DUSP10: variants seen among roughly 807,000 people sequenced by gnomAD.
DUSP10 encodes dual specificity protein phosphatase 10.
In DUSP10, 14 loss-of-function variants were observed where a neutral mutation model predicts 30.8. The observed-to-expected ratio is 0.46, with a 90% CI of 0.30 to 0.71. The LOEUF (loss-of-function observed/expected upper bound fraction) is 0.71. DUSP10 is among the 30% of genes least tolerant of loss of function. The probability of loss-of-function intolerance (pLI) is 0.08; values close to 1 mark genes in which losing one functional copy is unlikely to be tolerated. For missense variants in DUSP10, 550 were observed against 619.4 expected (o/e 0.89, Z 1.19); for synonymous variants, 254 against 250.4 (o/e 1.01, Z -0.14).
In DUSP10 at chr1:221,706,597, G is replaced by T; in HGVS notation, c.812-131C>A. The T allele has an allele frequency of 1.7e-6, 1 of 593,918 alleles. No homozygotes were observed. Among genetic ancestry groups the T allele is most frequent in the Non-Finnish European group, 2.6e-6 (1 of 390,822 alleles). The allele number at this position is 593,918 out of a possible 1,614,324, so 36.8% of individuals were successfully genotyped here. On this transcript the variant is annotated intron_variant, in intron 2 of 3. Transcript: ENST00000366899. This position sits in a 1 kb window ranked among gnomAD's most constrained non-coding sequence, Gnocchi z 4.6. ...AATACATATATAAATATGTATTTAA[G>T]CAAAAAAAATAAAAATAAAAATAAA...
chr1:221,738,998 G>T lies in DUSP10; in HGVS notation c.747C>A (p.Ser249=). The part of the protein sequence containing the change: ...NTNEPSRVMP[S]QPLHIVLESL... ...ACTCGAGGACTATGTGAAGTGGCTG[G>T]GAGGGCATCACTCGGCTTGGTTCAT... Residue 249 remains serine (S), a synonymous_variant, in exon 2 of 4, where the codon TCC becomes TCA. Coordinates refer to ENST00000366899, the MANE Select transcript of DUSP10 (RefSeq NM_007207.6). 6.2e-7 allele frequency: 1 copy of T among 1,614,126 alleles called. No homozygotes were observed. Among genetic ancestry groups the T allele is most frequent in the African/African-American group, 1.3e-5 (1 of 75,022 alleles).
In DUSP10 at chr1:221,739,022, A is replaced by G. The variant is rs1661863737; in HGVS notation, c.723T>C (p.Asn241=). The part of the protein sequence containing the change: ...KEIIVYDENT[N]EPSRVMPSQP... ...GGGAGGGCATCACTCGGCTTGGTTCATTGGTATTCTCATCATAAACTATAA... is the reference window on the plus strand; with the variant it reads ...GGGAGGGCATCACTCGGCTTGGTTCGTTGGTATTCTCATCATAAACTATAA... The change falls in exon 2 of 4, where the codon AAT becomes AAC. Residue 241 remains asparagine, a synonymous_variant. Transcript: ENST00000366899. 6.2e-7 allele frequency: 1 copy of G among 1,614,154 alleles called. No individual in the cohort carries two copies. The highest frequency in any genetic ancestry group is 8.5e-7 in the Non-Finnish European group (1 of 1,180,014).
intron 3 of DUSP10, among the ~76,000 whole-genome samples, chr1:221,703,637 G>C (rs781231197): frequency 2.0e-5 from 3 of 152,204 alleles, no homozygotes; most frequent in Non-Finnish European, 2.9e-5. Context: ...CAGAGCAATT[G>C]AAAGAGGAAG....
chr1:221,704,849 G>C (rs774623160), intron 3 of DUSP10, among the ~76,000 whole-genome samples: 31 of 152,084 alleles, frequency 2.0e-4, no homozygotes, highest in Non-Finnish European at 4.0e-4. Context: ...AAAACAGCTT[G>C]GCAAAATGAC....
intron 2 of DUSP10, among the ~76,000 whole-genome samples, chr1:221,720,251 G>A (rs1360223659): frequency 1.3e-5 from 2 of 152,178 alleles, no homozygotes; most frequent in Admixed American, 6.5e-5. Flanking sequence ...CTGGTCACCA[G>A]AATTAAAACA....
chr1:221,705,114 T>G (rs1416078778), intron 3 of DUSP10, among the ~76,000 whole-genome samples: 8 of 151,418 alleles, frequency 5.3e-5, no homozygotes, highest in South Asian at 2.1e-4. Flanking sequence ...TTTGAGTGTT[T>G]TTTTTTTTTT....
chr1:221,716,380 A>G (rs1188573883), intron 2 of DUSP10, among the ~76,000 whole-genome samples: 1 of 152,138 alleles, frequency 6.6e-6, no homozygotes, highest in Non-Finnish European at 1.5e-5. Flanking sequence ...GTTGACTTCA[A>G]GTCAGTCCCT....
chr1:221,727,953 TG>T (rs1661471647), intron 2 of DUSP10, among the ~76,000 whole-genome samples: 1 of 152,158 alleles, frequency 6.6e-6, no homozygotes, highest in Non-Finnish European at 1.5e-5. Flanking sequence ...TATTAAAAGA[TG>T]GGGCCTTTAA....
rs1485650065 is a variant in DUSP10, at chr1:221,702,335, GA to G, written c.*76del. ...TCCCAACTACAAAAAAAAAAAGAAA[GA>G]AAAAAAACCAGAATCCATCCTCCTT... On this transcript the variant is annotated 3_prime_UTR_variant, in exon 4 of 4. Coordinates refer to ENST00000366899, the MANE Select transcript of DUSP10 (RefSeq NM_007207.6). The surrounding 1 kb of genome is among the most constrained non-coding windows in gnomAD (Gnocchi z 4.5). The G allele has an allele frequency of 8.0e-6, 12 of 1,492,320 alleles. No homozygotes were observed. The highest frequency in any genetic ancestry group is 2.3e-5 in the East Asian group (1 of 43,664). 92.4% of individuals were successfully genotyped at this position (1,492,320 alleles called of 1,614,324 possible).
chr1:221,728,706 T>C (rs1661493674), intron 2 of DUSP10, among the ~76,000 whole-genome samples: 1 of 152,236 alleles, frequency 6.6e-6, no homozygotes, highest in Non-Finnish European at 1.5e-5. Context: ...GGACAGATAA[T>C]GAATATAAAG....
At chr1:221,727,552 C>T (rs1648052523) in intron 2 of DUSP10, among the ~76,000 whole-genome samples, 2 of 152,124 alleles carry the variant, frequency 1.3e-5, no homozygotes, top group African/African-American at 2.4e-5. Flanking sequence ...AATGTCTTTC[C>T]TTTCTAATTC....
intron 2 of DUSP10, among the ~76,000 whole-genome samples, chr1:221,726,264 G>A (rs187765548): frequency 2.0e-3 from 303 of 152,324 alleles, no homozygotes; most frequent in Non-Finnish European, 3.2e-3. Context: ...GTGCAGTTGG[G>A]TGGGAAGGTG....
At chr1:221,720,226 G>T (rs1277160921) in intron 2 of DUSP10, among the ~76,000 whole-genome samples, 2 of 152,288 alleles carry the variant, frequency 1.3e-5, no homozygotes, top group Admixed American at 1.3e-4. Context: ...CCCCTAAATA[G>T]CTCCAGGAAG....
In DUSP10 at chr1:221,739,568, C is replaced by T. The variant is rs754587624; in HGVS notation, c.177G>A (p.Thr59=). ...TVVSLKAANL[T]YMPSSSGSAR... is the part of the protein sequence containing the mutation. ...CAGAGCCGCTGGATGAGGGCATATACGTCAGATTCGCAGCCTTGAGGGACA... is the reference window on the plus strand; with the variant it reads ...CAGAGCCGCTGGATGAGGGCATATATGTCAGATTCGCAGCCTTGAGGGACA... The change falls in exon 2 of 4, where the codon ACG becomes ACA. Residue 59 remains threonine, a synonymous_variant. Transcript: ENST00000366899. 24 of 1,614,048 alleles carry T rather than the reference C, an allele frequency of 1.5e-5. No individual in the cohort carries two copies. Among genetic ancestry groups the T allele is most frequent in the South Asian group, 1.4e-4 (13 of 91,086 alleles).
chr1:221,730,232 G>A (rs535496258), intron 2 of DUSP10, among the ~76,000 whole-genome samples: 33 of 152,306 alleles, frequency 2.2e-4, no homozygotes, highest in African/African-American at 6.7e-4. Flanking sequence ...TTAAGGAACC[G>A]GATAGTGATG....
chr1:221,717,650 G>A (rs574353274), intron 2 of DUSP10, among the ~76,000 whole-genome samples: 6 of 152,126 alleles, frequency 3.9e-5, no homozygotes, highest in South Asian at 4.2e-4. Flanking sequence ...CTAATCCCCA[G>A]CGTGAGGTCA....
chr1:221,719,094 A>G (rs977702507), intron 2 of DUSP10, among the ~76,000 whole-genome samples: 1 of 152,216 alleles, frequency 6.6e-6, no homozygotes, highest in Non-Finnish European at 1.5e-5. Flanking sequence ...AACAAACAGT[A>G]TGTATAACTG....
intron 2 of DUSP10, among the ~76,000 whole-genome samples, chr1:221,731,089 C>G (rs367776610): frequency 6.6e-6 from 1 of 152,010 alleles, no homozygotes; most frequent in African/African-American, 2.4e-5. Context: ...TGATTACATT[C>G]GTGAATATAG....
chr1:221,716,789 CTTTACCTAT>C (rs1277726513), intron 2 of DUSP10, among the ~76,000 whole-genome samples: 7 of 152,220 alleles, frequency 4.6e-5, no homozygotes, highest in African/African-American at 1.7e-4. Context: ...CGTGTCTAAA[CTTTACCTAT>C]GTTAGCACAG....
Sources: gnomAD v4.1 joint callset for allele counts (sites outside exome capture counted in the v4.1 genomes callset) on GRCh38, gnomAD v4.1.1 for gene constraint, Gnocchi (gnomAD v3.1) non-coding constraint, MANE v1.5 for transcripts, NCBI Gene and HGNC (gene_info 2026-07-23, HGNC 2026-07-21) for gene names.